Variants in MAPK10 observed in about 807,000 individuals in gnomAD.
MAPK10 encodes mitogen-activated protein kinase 10.
In MAPK10, 25 loss-of-function variants were observed where a neutral mutation model predicts 59.3. That is an observed-to-expected ratio of 0.42 (90% confidence interval 0.31 to 0.59). The LOEUF (loss-of-function observed/expected upper bound fraction) is 0.59, where lower values mean the gene tolerates loss of function less well. Ranked by LOEUF, MAPK10 falls within the 20% of genes least tolerant of loss-of-function variation. The pLI, the probability that MAPK10 is intolerant of heterozygous loss-of-function variation, is 0.15. For missense variants in MAPK10, 351 were observed against 568.9 expected (o/e 0.62, Z 3.90); for synonymous variants, 190 against 200.5 (o/e 0.95, Z 0.44).
intron 2 of MAPK10, among the ~76,000 whole-genome samples, chr4:86,351,319 G>A (rs1564635411): frequency 6.8e-6 from 1 of 146,418 alleles, no homozygotes; most frequent in East Asian, 2.0e-4. Context: ...TACAATATAT[G>A]TACAAAGGAT....
At chr4:86,418,544 G>A (rs1387626944) in intron 1 of MAPK10, among the ~76,000 whole-genome samples, 2 of 152,192 alleles carry the variant, frequency 1.3e-5, no homozygotes, top group Admixed American at 1.3e-4. Context: ...CTCAAACCAT[G>A]TTACTATAAA....
upstream of MAPK10, chr4:86,457,948 G>A (rs1046731269): frequency 1.3e-5 from 2 of 152,104 alleles, no homozygotes; most frequent in African/African-American, 4.8e-5. Flanking sequence ...GATCACCTGA[G>A]GTCAGGAGTT....
At chr4:86,141,572 A>G (rs1252313323) in intron 4 of MAPK10, among the ~76,000 whole-genome samples, 2 of 152,246 alleles carry the variant, frequency 1.3e-5, no homozygotes, top group African/African-American at 4.8e-5. Context: ...ATCTTAAAAC[A>G]GAAAGAAAAG....
At chr4:86,593,341 A>G (rs368217794) in intron 1 of MAPK10, among the ~76,000 whole-genome samples, 80 of 152,172 alleles carry the variant, frequency 5.3e-4, no homozygotes, top group African/African-American at 1.9e-3. Flanking sequence ...CCCTTTCCAG[A>G]GTGGACCAGT....
intron 1 of MAPK10, among the ~76,000 whole-genome samples, chr4:86,383,861 A>G (rs1170551545): frequency 6.6e-6 from 1 of 152,214 alleles, no homozygotes; most frequent in Non-Finnish European, 1.5e-5. Context: ...TTGAAAGGCA[A>G]AAGGGCAAAA....
At chr4:86,019,179 T>TA (rs1744983040) in intron 13 of MAPK10, among the ~76,000 whole-genome samples, 1 of 152,228 alleles carries the variant, frequency 6.6e-6, no homozygotes, top group Non-Finnish European at 1.5e-5. Flanking sequence ...TAAGAACTGT[T>TA]AAACTTTTCA....
At chr4:86,496,853 C>T (rs938603376) in intron 1 of MAPK10, among the ~76,000 whole-genome samples, 4 of 152,164 alleles carry the variant, frequency 2.6e-5, no homozygotes, top group African/African-American at 9.7e-5. Flanking sequence ...GCTAAGCACA[C>T]GCTTAGTCAG....
intron 2 of MAPK10, among the ~76,000 whole-genome samples, chr4:86,218,848 T>C (rs2088634798): frequency 6.6e-6 from 1 of 152,160 alleles, no homozygotes; most frequent in African/African-American, 2.4e-5. Context: ...GCAACTGATT[T>C]GTAGGGAAGA....
At chr4:86,185,326 G>A (rs1263939775) in intron 3 of MAPK10, among the ~76,000 whole-genome samples, 1 of 152,168 alleles carries the variant, frequency 6.6e-6, no homozygotes, top group African/African-American at 2.4e-5. Context: ...TTTTTAAAAG[G>A]ATTGTCAGGA....
chr4:86,384,902 G>C (rs1239953824), intron 1 of MAPK10, among the ~76,000 whole-genome samples: 4 of 152,034 alleles, frequency 2.6e-5, no homozygotes, highest in Admixed American at 2.6e-4. Context: ...GGAAAAAACA[G>C]ATATAGTACA....
intron 1 of MAPK10, among the ~76,000 whole-genome samples, chr4:86,552,557 G>T (rs1204381075): frequency 6.9e-6 from 1 of 144,576 alleles, no homozygotes; most frequent in African/African-American, 2.6e-5. Flanking sequence ...AAGGAAGGAA[G>T]GAATAGAATA....
chr4:86,286,037 C>G (rs983695354), intron 2 of MAPK10, among the ~76,000 whole-genome samples: 1 of 152,208 alleles, frequency 6.6e-6, no homozygotes, highest in African/African-American at 2.4e-5. Flanking sequence ...AATTCAAATG[C>G]CAATTTCTTC....
chr4:86,131,990 T>G (rs2061085982), intron 4 of MAPK10, among the ~76,000 whole-genome samples: 1 of 152,222 alleles, frequency 6.6e-6, no homozygotes, highest in Non-Finnish European at 1.5e-5. Context: ...ATCTCCTTTC[T>G]GCTTCTAGTC....
intron 2 of MAPK10, among the ~76,000 whole-genome samples, chr4:86,303,008 T>C (rs1386038974): frequency 6.6e-6 from 1 of 152,134 alleles, no homozygotes; most frequent in African/African-American, 2.4e-5. Context: ...GACTCAAACA[T>C]CCCATTACCG....
Position 86,307,839 on chromosome 4 carries a change from A to G in MAPK10, c.-7+46691T>C, listed in dbSNP as rs577676277. On this transcript the variant is annotated intron_variant, in intron 2 of 13. Transcript: ENST00000641462. Reference sequence around the variant, plus strand: ...AGAGGGAATCATTAAAGATTTTAGTAGTAGTCTCAGAGTCTTGCATCAGAT... The same window carrying G: ...AGAGGGAATCATTAAAGATTTTAGTGGTAGTCTCAGAGTCTTGCATCAGAT... 2.6e-5 allele frequency among the ~76,000 whole-genome samples: 4 copies of G among 152,276 alleles called. No individual in the cohort carries two copies. In the East Asian group the frequency reaches 7.7e-4, roughly 29 times the overall value.
rs35357476 is a variant in MAPK10, at chr4:86,191,553, C to CTTTTTTTTTTTTTTTTTTTTTT, written c.66+2761_66+2782dup. ...TCAGAGACTAGGATTACAACCCGTG[C>CTTTTTTTTTTTTTTTTTTTTTT]TTTTTTTTTTTTTTTTTTTTTTTTT... On this transcript the variant is annotated intron_variant, in intron 3 of 13. Coordinates refer to ENST00000641462, the MANE Select transcript of MAPK10 (RefSeq NM_138982.4). 15 of 30,414 alleles carry CTTTTTTTTTTTTTTTTTTTTTT rather than the reference C, an allele frequency of 4.9e-4. 6 individuals are homozygous for CTTTTTTTTTTTTTTTTTTTTTT. Among genetic ancestry groups the CTTTTTTTTTTTTTTTTTTTTTT allele is most frequent in the East Asian group, 6.1e-3 (2 of 330 alleles). 1.9% of individuals were successfully genotyped at this position (30,414 alleles called of 1,614,324 possible). A position where few individuals can be genotyped will look rare whatever the true frequency, so the allele number is the denominator to read the frequency against.
chr4:86,041,849 C>T (rs1011587261), intron 11 of MAPK10, among the ~76,000 whole-genome samples: 9 of 152,168 alleles, frequency 5.9e-5, no homozygotes, highest in East Asian at 1.9e-4. Flanking sequence ...GAAACAGGAA[C>T]GCTTTTACAC....
intron 11 of MAPK10, among the ~76,000 whole-genome samples, chr4:86,058,171 TA>T (rs966644919): frequency 6.7e-6 from 1 of 149,818 alleles, no homozygotes; most frequent in Non-Finnish European, 1.5e-5. Context: ...TTCACTTTAC[TA>T]GGGGAGGTCC....
chr4:86,267,663 G>A (rs115325418), intron 2 of MAPK10, among the ~76,000 whole-genome samples: 22 of 152,004 alleles, frequency 1.4e-4, no homozygotes, highest in African/African-American at 4.8e-4. Context: ...ACACACACCC[G>A]TTTCATGATT....
Sources: allele counts gnomAD v4.1 joint callset (sites outside exome capture counted in the v4.1 genomes callset), GRCh38; gene constraint gnomAD v4.1.1; transcripts MANE v1.5; gene names NCBI Gene and HGNC (gene_info 2026-07-23, HGNC 2026-07-21).